SMG6: variants seen among roughly 807,000 people sequenced by gnomAD.
SMG6 encodes the protein SMG6 nonsense mediated mRNA decay factor.
In SMG6, 66 loss-of-function variants were observed where a neutral mutation model predicts 142.2. The ratio of observed to expected loss-of-function variants is 0.46; its 90% CI spans 0.38 to 0.57. The LOEUF (loss-of-function observed/expected upper bound fraction) is 0.57. SMG6 is among the 20% of genes least tolerant of loss of function. The probability of loss-of-function intolerance (pLI) is 0.00; values close to 1 mark genes in which losing one functional copy is unlikely to be tolerated. For missense variants in SMG6, 1,793 were observed against 1,832.0 expected (o/e 0.98, Z 0.39); for synonymous variants, 779 against 702.4 (o/e 1.11, Z -1.72).
intron 17 of SMG6, 67 bp from the exon 18 acceptor site, chr17:2,065,221 G>GCCCCC: frequency 1.7e-6 from 2 of 1,196,576 alleles, no homozygotes; most frequent in Non-Finnish European, 2.5e-6. Context: ...GAGGAGGAGG[G>GCCCCC]ATCCTCTGCC....
chr17:2,188,351 G>A (rs1418741519), intron 11 of SMG6, 48 bp downstream of exon 11: 1 of 1,521,588 alleles, frequency 6.6e-7, no homozygotes, highest in Non-Finnish European at 9.1e-7. Flanking sequence ...GTCTGGACAA[G>A]GCCAGGCAAC....
chr17:2,280,447 T>A, intron 8 of SMG6: 2 of 235,080 alleles, frequency 8.5e-6, no homozygotes, highest in Non-Finnish European at 1.4e-5. Flanking sequence ...GCATTTTTAG[T>A]AGAGACAGGG....
At chr17:2,284,855 C>A (rs1012131816) in intron 6 of SMG6, among the ~76,000 whole-genome samples, 1 of 152,168 alleles carries the variant, frequency 6.6e-6, no homozygotes, top group Non-Finnish European at 1.5e-5. Context: ...ATTTGGCACA[C>A]CATTACAGTT....
chr17:2,271,354 G>A (rs2074539072), intron 8 of SMG6, among the ~76,000 whole-genome samples: 1 of 151,276 alleles, frequency 6.6e-6, no homozygotes, highest in Admixed American at 6.6e-5. Context: ...GACTCCCAAA[G>A]TGCTGGGATT....
At position 2,172,856 on chromosome 17, in the gene SMG6, A is replaced by T. The variant is rs777845551; in HGVS notation, c.3159T>A (p.Val1053=). The T allele has an allele frequency of 2.4e-5, 39 of 1,613,826 alleles. No individual in the cohort carries two copies. The highest frequency in any genetic ancestry group is 3.2e-5 in the Non-Finnish European group (38 of 1,179,808). The part of the protein sequence containing the change: ...PPTSLDLPSH[V]AVDVWSTLAD... ...CCAGCGTCGACCATACATCCACAGC[A>T]ACACTGTGAGAAATAAGGTAAGAAA... Residue 1053 remains valine, a synonymous_variant, in exon 13 of 19, where the codon GTT becomes GTA. Transcript: ENST00000263073.
chr17:2,273,808 C>A (rs981277069), intron 8 of SMG6, among the ~76,000 whole-genome samples: 7 of 151,162 alleles, frequency 4.6e-5, no homozygotes, highest in South Asian at 2.1e-4. Flanking sequence ...AAAAAAAAAA[C>A]CCAAAAAAAG....
At chr17:2,197,733 T>C (rs1350123847) in intron 10 of SMG6, among the ~76,000 whole-genome samples, 1 of 152,140 alleles carries the variant, frequency 6.6e-6, no homozygotes, top group Non-Finnish European at 1.5e-5. Flanking sequence ...GCAAAGATGT[T>C]CAATATAATT....
intron 13 of SMG6, among the ~76,000 whole-genome samples, chr17:2,097,102 GT>G (rs1192916228): frequency 6.6e-6 from 1 of 151,962 alleles, no homozygotes; most frequent in Non-Finnish European, 1.5e-5. Flanking sequence ...CCCTGGAGTA[GT>G]TTTTAAAATC....
Position 2,169,311 on chromosome 17 carries a change from T to TA in SMG6, c.3357+3346dup, listed in dbSNP as rs879584928. 1.6e-3 allele frequency among the ~76,000 whole-genome samples: 224 copies of TA among 136,836 alleles called. 1 individual carries two copies. The highest frequency in any genetic ancestry group is 3.2e-3 in the African/African-American group (120 of 37,358). The allele number at this position is 136,836 out of a possible 152,430, so 89.8% of individuals were successfully genotyped here. A position where few individuals can be genotyped will look rare whatever the true frequency, so the allele number is the denominator to read the frequency against. ...GGGTGACAAAGTGAGACTCATCTCT[T>TA]AAAAAAAAAAAAAAGGAGGTAATAA... On this transcript the variant is annotated intron_variant, in intron 13 of 18. Transcript: ENST00000263073.
intron 10 of SMG6, among the ~76,000 whole-genome samples, chr17:2,234,985 C>A (rs1292354324): frequency 6.6e-6 from 1 of 152,196 alleles, no homozygotes; most frequent in African/African-American, 2.4e-5. Flanking sequence ...AGGTAGCTCA[C>A]TGAACTCTGT....
At chr17:2,072,806 T>C (rs940286637) in intron 15 of SMG6, 7 of 152,206 alleles carry the variant, frequency 4.6e-5, no homozygotes, top group Admixed American at 4.6e-4. Context: ...GAATCATTCA[T>C]CCCTGAGCCT....
rs747159377 is a variant in SMG6 at position 2,068,961 on chromosome 17, A to G, written c.3682-30T>C. The G allele has an allele frequency of 2.5e-6, 4 of 1,610,112 alleles. No individual in the cohort carries two copies. Among genetic ancestry groups the G allele is most frequent in the Non-Finnish European group, 3.4e-6 (4 of 1,177,114 alleles). Reference sequence around the variant, plus strand: ...GGGGACAGAGTGGTGAATGAGCCAGACAGCGAGCAGGCAAGCAGGTGGGTG... The same window carrying G: ...GGGGACAGAGTGGTGAATGAGCCAGGCAGCGAGCAGGCAAGCAGGTGGGTG... On this transcript the variant is annotated intron_variant, in intron 15 of 18. Coordinates refer to ENST00000263073, the MANE Select transcript of SMG6 (RefSeq NM_017575.5). This position sits in a 1 kb window ranked among gnomAD's most constrained non-coding sequence, Gnocchi z 6.7.
chr17:2,303,703 CT>C lies in SMG6; in HGVS notation c.17del (p.Glu6GlyfsTer27). Reference sequence around the variant, plus strand: ...GCTCCGACGCGGAGATCCGCACACGCTCCAGCCCTTCCGCCATCTTCGCGGC... The same window carrying C: ...GCTCCGACGCGGAGATCCGCACACGCCCAGCCCTTCCGCCATCTTCGCGGC... MAEGLERVRISASELR... is the reference protein window; with the variant it reads MAEGLXRVRISASELR... On this transcript the variant is annotated frameshift_variant, in exon 1 of 19. Coordinates refer to ENST00000263073, the MANE Select transcript of SMG6 (RefSeq NM_017575.5). LOFTEE classifies it high-confidence loss of function. 6.7e-7 allele frequency: 1 copy of C among 1,494,344 alleles called. No individual in the cohort carries two copies. Among genetic ancestry groups the C allele is most frequent in the South Asian group, 1.3e-5 (1 of 79,808 alleles). 92.6% of individuals were successfully genotyped at this position (1,494,344 alleles called of 1,614,324 possible).
intron 10 of SMG6, among the ~76,000 whole-genome samples, chr17:2,226,280 AAAAAAG>A (rs1468712237): frequency 2.7e-5 from 4 of 150,604 alleles, no homozygotes; most frequent in African/African-American, 4.9e-5. Context: ...CGTCTCAAAA[AAAAAAG>A]AAAAAAGAAA....
chr17:2,224,743 C>T (rs1438672720), intron 10 of SMG6, among the ~76,000 whole-genome samples: 1 of 152,138 alleles, frequency 6.6e-6, no homozygotes, highest in Non-Finnish European at 1.5e-5. Context: ...AACCAACCAA[C>T]CAACCAACCT....
chr17:2,192,522 G>C (rs948447162), intron 10 of SMG6, among the ~76,000 whole-genome samples: 43 of 152,194 alleles, frequency 2.8e-4, no homozygotes, highest in African/African-American at 8.7e-4. Context: ...GCATCACTAA[G>C]AGCTGGAGAA....
chr17:2,121,583 C>CTCTG (rs2069693082), intron 13 of SMG6, among the ~76,000 whole-genome samples: 2 of 118,198 alleles, frequency 1.7e-5, no homozygotes, highest in South Asian at 2.9e-4. Context: ...ATGTACATGT[C>CTCTG]TGTCTGTGTG....
intron 9 of SMG6, among the ~76,000 whole-genome samples, chr17:2,242,803 A>T (rs1276458646): frequency 6.6e-6 from 1 of 151,406 alleles, no homozygotes; most frequent in Non-Finnish European, 1.5e-5. Flanking sequence ...TATTTTTAAG[A>T]TGATACCGAT....
At chr17:2,119,862 CTG>C (rs1197627476) in intron 13 of SMG6, among the ~76,000 whole-genome samples, 1 of 152,156 alleles carries the variant, frequency 6.6e-6, no homozygotes. Flanking sequence ...CCAGGTTTCA[CTG>C]TGTTAGCCGG....
Sources: gnomAD v4.1 joint callset for allele counts (sites outside exome capture counted in the v4.1 genomes callset) on GRCh38, gnomAD v4.1.1 for gene constraint, Gnocchi (gnomAD v3.1) non-coding constraint, MANE v1.5 for transcripts, NCBI Gene and HGNC (gene_info 2026-07-23, HGNC 2026-07-21) for gene names.